Variants in TIAM1 observed in about 807,000 individuals in gnomAD.
The protein encoded by TIAM1 is TIAM Rac1 associated GEF 1.
In TIAM1, 65 loss-of-function variants were observed where a neutral mutation model predicts 163.5. The observed-to-expected ratio is 0.40, with a 90% CI of 0.33 to 0.49. The LOEUF (loss-of-function observed/expected upper bound fraction) is 0.49, where lower values mean the gene tolerates loss of function less well. Among genes scored for constraint, TIAM1 ranks in the 20% least tolerant of loss-of-function variants. The pLI, the probability that TIAM1 is intolerant of heterozygous loss-of-function variation, is 0.77. For synonymous variants in TIAM1, 833 were observed against 810.1 expected (o/e 1.03, Z -0.48); for missense variants, 1,789 against 2,044.7 (o/e 0.87, Z 2.41).
intron 22 of TIAM1, among the ~76,000 whole-genome samples, chr21:31,140,394 T>C (rs2082794779): frequency 6.6e-6 from 1 of 152,246 alleles, no homozygotes; most frequent in Non-Finnish European, 1.5e-5. Flanking sequence ...AATGTTACTA[T>C]ATATCATATC....
intron 8 of TIAM1, among the ~76,000 whole-genome samples, chr21:31,219,729 G>A (rs545080204): frequency 1.9e-4 from 28 of 148,394 alleles, no homozygotes; most frequent in Non-Finnish European, 3.4e-4. Flanking sequence ...AGCTTAGCAC[G>A]TTAAAAAAAC....
chr21:31,268,318 G>A (rs564964327), intron 3 of TIAM1, among the ~76,000 whole-genome samples: 85 of 152,300 alleles, frequency 5.6e-4, no homozygotes, highest in African/African-American at 1.9e-3. Context: ...TAAAAGCATC[G>A]TGGTGAAGCA....
chr21:31,481,442 T>C (rs905393252), intron 1 of TIAM1, among the ~76,000 whole-genome samples: 4 of 152,148 alleles, frequency 2.6e-5, no homozygotes, highest in Non-Finnish European at 5.9e-5. Context: ...GGACTGACGC[T>C]AACTACCCAC....
chr21:31,416,086 CT>C (rs375218068), intron 2 of TIAM1, among the ~76,000 whole-genome samples: 81 of 152,218 alleles, frequency 5.3e-4, no homozygotes, highest in African/African-American at 1.8e-3. Flanking sequence ...TTGGGGTTAC[CT>C]TTAAAAAGGC....
At chr21:31,452,903 G>T in intron 2 of TIAM1, 1 of 517,338 alleles carries the variant, frequency 1.9e-6, no homozygotes, top group Non-Finnish European at 3.9e-6. Context: ...ATGTCCTGAA[G>T]ACAGGCCTAG....
At chr21:31,299,858 T>A (rs1279800295) in intron 2 of TIAM1, among the ~76,000 whole-genome samples, 1 of 152,156 alleles carries the variant, frequency 6.6e-6, no homozygotes, top group African/African-American at 2.4e-5. Context: ...GAAATCACAG[T>A]CCGCTGCCTG....
chr21:31,558,035 G>A (rs548806894), intron 1 of TIAM1, among the ~76,000 whole-genome samples: 66 of 152,264 alleles, frequency 4.3e-4, no homozygotes, highest in Non-Finnish European at 9.1e-4. Flanking sequence ...ACCTGACAGC[G>A]CGCAACAACT....
chr21:31,480,093 C>G (rs2046064186), intron 1 of TIAM1, among the ~76,000 whole-genome samples: 1 of 152,224 alleles, frequency 6.6e-6, no homozygotes, highest in Non-Finnish European at 1.5e-5. Flanking sequence ...CACATAGCCA[C>G]CATCCAATCA....
rs967352496 is a variant in TIAM1 at position 31,492,535 on chromosome 21, T to C, written c.-421-28500A>G. On this transcript the variant is annotated intron_variant, in intron 1 of 28. Transcript: ENST00000286827. ...CAAAAGAATGCAACCTTTTGTCTCTTATCTACCTATGACCTGGAAGCCCCT... is the reference window on the plus strand; with the variant it reads ...CAAAAGAATGCAACCTTTTGTCTCTCATCTACCTATGACCTGGAAGCCCCT... 4.6e-5 allele frequency among the ~76,000 whole-genome samples: 7 copies of C among 152,170 alleles called. No homozygotes were observed. The South Asian group carries it at 1.2e-3, about 27-fold the overall frequency.
intron 1 of TIAM1, among the ~76,000 whole-genome samples, chr21:31,539,231 T>A (rs536729636): frequency 1.3e-5 from 2 of 151,158 alleles, no homozygotes; most frequent in South Asian, 4.1e-4. Flanking sequence ...AGGCACTGGA[T>A]TGTATTAAAT....
At chr21:31,129,389 A>G (rs954300172) in intron 25 of TIAM1, among the ~76,000 whole-genome samples, 1 of 152,204 alleles carries the variant, frequency 6.6e-6, no homozygotes, top group South Asian at 2.1e-4. Context: ...AAAAGAATCA[A>G]CATTTCAGGT....
At chr21:31,366,957 G>A (rs1424337703) in intron 2 of TIAM1, among the ~76,000 whole-genome samples, 2 of 152,164 alleles carry the variant, frequency 1.3e-5, no homozygotes, top group Admixed American at 6.5e-5. Flanking sequence ...CTAGAAGTAT[G>A]CCAGGGTCAA....
intron 20 of TIAM1, among the ~76,000 whole-genome samples, chr21:31,142,402 G>A (rs1162792177): frequency 6.8e-6 from 1 of 146,758 alleles, no homozygotes; most frequent in African/African-American, 2.5e-5. Flanking sequence ...CGGATCACTT[G>A]AGGTCAGGAG....
At chr21:31,518,767 A>T (rs554806774) in intron 1 of TIAM1, among the ~76,000 whole-genome samples, 1 of 152,314 alleles carries the variant, frequency 6.6e-6, no homozygotes, top group African/African-American at 2.4e-5. Context: ...GGACAAAGCC[A>T]GGTGCAAGTA....
rs546029364 is a variant in TIAM1 at position 31,126,566 on chromosome 21, C to CAATA, written c.4133+495_4133+498dup. 3.1e-4 allele frequency among the ~76,000 whole-genome samples: 47 copies of CAATA among 151,282 alleles called. 1 individual carries two copies. The highest frequency in any genetic ancestry group is 7.5e-4 in the African/African-American group (31 of 41,140). On this transcript the variant is annotated intron_variant, in intron 26 of 27. Coordinates refer to ENST00000541036, the MANE Select transcript of TIAM1 (RefSeq NM_001353694.2). ...TGGGCGACAGAGCAAGGCTCTGTTTCAATAAATAAATAAATAAATATATAT... is the reference window on the plus strand; with the variant it reads ...TGGGCGACAGAGCAAGGCTCTGTTTCAATAAATAAATAAATAAATAAATATATAT...
chr21:31,182,811 C>T (rs1422555000), intron 14 of TIAM1, among the ~76,000 whole-genome samples, 166 bp from the exon 15 acceptor site: 1 of 152,218 alleles, frequency 6.6e-6, no homozygotes, highest in Non-Finnish European at 1.5e-5. Context: ...GGACAGGGGC[C>T]TCAGGTTCTG....
rs189548250 is a variant in TIAM1 at position 31,416,112 on chromosome 21, G to A, written c.-369+47871C>T. Reference sequence around the variant, plus strand: ...TTTAAAAAGGCCTCCATAACGTGACGCCAGTGGGGCTCTCTCTTCTCCCCT... The same window carrying A: ...TTTAAAAAGGCCTCCATAACGTGACACCAGTGGGGCTCTCTCTTCTCCCCT... On this transcript the variant is annotated intron_variant, in intron 2 of 28. Transcript: ENST00000286827. Among the ~76,000 whole-genome samples the A allele has an allele frequency of 1.7e-3, 253 of 151,792 alleles. 3 individuals are homozygous for A. Among genetic ancestry groups the A allele is most frequent in the Middle Eastern group, 3.4e-3 (1 of 294 alleles).
At chr21:31,270,497 G>A (rs868031014) in intron 3 of TIAM1, among the ~76,000 whole-genome samples, 5 of 152,152 alleles carry the variant, frequency 3.3e-5, no homozygotes, top group Admixed American at 6.5e-5. Flanking sequence ...GTCCCACATA[G>A]CTCTCATGTT....
chr21:31,237,528 C>T (rs2070956534), intron 6 of TIAM1, among the ~76,000 whole-genome samples: 1 of 152,174 alleles, frequency 6.6e-6, no homozygotes, highest in African/African-American at 2.4e-5. Flanking sequence ...CATTTGCTAT[C>T]TATCAGACAC....
Sources: gnomAD v4.1 joint callset for allele counts (sites outside exome capture counted in the v4.1 genomes callset) on GRCh38, gnomAD v4.1.1 for gene constraint, MANE v1.5 for transcripts, NCBI Gene and HGNC (gene_info 2026-07-23, HGNC 2026-07-21) for gene names.